Variants in GRIP1 observed in about 807,000 individuals in gnomAD.
GRIP1 encodes glutamate receptor interacting protein 1.
In GRIP1, 45 loss-of-function variants were observed where a neutral mutation model predicts 129.9. That is an observed-to-expected ratio of 0.35 (90% CI 0.27 to 0.44). The LOEUF is 0.44. Among genes scored for constraint, GRIP1 ranks in the 20% least tolerant of loss-of-function variants. GRIP1 has a pLI of 1.00. For synonymous variants in GRIP1, 530 were observed against 520.8 expected (o/e 1.02, Z -0.24); for missense variants, 1,196 against 1,396.8 (o/e 0.86, Z 2.29).
At chr12:66,924,224 T>G (rs2041259773) in intron 1 of GRIP1, among the ~76,000 whole-genome samples, 1 of 152,214 alleles carries the variant, frequency 6.6e-6, no homozygotes, top group Non-Finnish European at 1.5e-5. Flanking sequence ...TATTTAAGTC[T>G]ACATCATATT....
At chr12:66,702,374 A>G (rs1470201693) in intron 1 of GRIP1, among the ~76,000 whole-genome samples, 3 of 152,144 alleles carry the variant, frequency 2.0e-5, no homozygotes, top group African/African-American at 4.8e-5. Flanking sequence ...GGGATCTCTT[A>G]TGCTAAATTC....
intron 7 of GRIP1, among the ~76,000 whole-genome samples, chr12:66,502,276 T>C (rs749741063): frequency 7.3e-4 from 111 of 152,264 alleles, no homozygotes; most frequent in Non-Finnish European, 1.3e-3. Flanking sequence ...ACCTAAAATA[T>C]AATCAATTTG....
At chr12:66,898,173 C>G (rs1190791875) in intron 1 of GRIP1, among the ~76,000 whole-genome samples, 1 of 152,176 alleles carries the variant, frequency 6.6e-6, no homozygotes, top group Non-Finnish European at 1.5e-5. Context: ...GATTCAAAAG[C>G]AGTTCTGTCT....
chr12:66,409,802 T>C (rs1346259997), intron 15 of GRIP1, among the ~76,000 whole-genome samples: 2 of 152,176 alleles, frequency 1.3e-5, no homozygotes, highest in African/African-American at 4.8e-5. Flanking sequence ...TGTGTGATAA[T>C]ACAGATCATA....
chr12:66,699,470 A>C (rs935952929), intron 1 of GRIP1, among the ~76,000 whole-genome samples: 2 of 152,100 alleles, frequency 1.3e-5, no homozygotes, highest in East Asian at 1.9e-4. Context: ...AATAAGTCTC[A>C]TGAGATCTGA....
At chr12:66,979,658 T>C (rs1478272930) in intron 1 of GRIP1, among the ~76,000 whole-genome samples, 3 of 152,142 alleles carry the variant, frequency 2.0e-5, no homozygotes, top group Non-Finnish European at 4.4e-5. Flanking sequence ...GTGACTTTAT[T>C]TGGAAATAGA....
chr12:66,754,194 C>T (rs553126801), intron 1 of GRIP1, among the ~76,000 whole-genome samples: 16 of 152,218 alleles, frequency 1.1e-4, no homozygotes, highest in African/African-American at 1.7e-4. Flanking sequence ...GGAATATAGA[C>T]GATGGATGTA....
At chr12:66,928,263 T>C (rs956994208) in intron 1 of GRIP1, among the ~76,000 whole-genome samples, 4 of 152,186 alleles carry the variant, frequency 2.6e-5, no homozygotes, top group African/African-American at 9.7e-5. Flanking sequence ...CATTTTAAAA[T>C]GTAAATTCTG....
intron 2 of GRIP1, among the ~76,000 whole-genome samples, chr12:66,588,806 T>C (rs2063738009): frequency 6.6e-6 from 1 of 151,358 alleles, no homozygotes; most frequent in Admixed American, 6.6e-5. Context: ...CCATCTCTAC[T>C]AAAAATACAA....
At chr12:66,419,387 C>T (rs2057723116) in intron 15 of GRIP1, among the ~76,000 whole-genome samples, 1 of 151,984 alleles carries the variant, frequency 6.6e-6, no homozygotes, top group Non-Finnish European at 1.5e-5. Flanking sequence ...TATTTGATGG[C>T]ACAACAGGGT....
intron 7 of GRIP1, among the ~76,000 whole-genome samples, chr12:66,513,764 GA>G (rs1285977764): frequency 6.6e-6 from 1 of 152,126 alleles, no homozygotes; most frequent in Non-Finnish European, 1.5e-5. Flanking sequence ...TCTAGGGTGT[GA>G]AAACTGTCAG....
At chr12:66,738,381 G>A (rs952376784) in intron 1 of GRIP1, among the ~76,000 whole-genome samples, 15 of 151,630 alleles carry the variant, frequency 9.9e-5, no homozygotes, top group South Asian at 4.2e-4. Context: ...CACCACGCCC[G>A]ACTAATTTTT....
intron 1 of GRIP1, among the ~76,000 whole-genome samples, chr12:66,642,084 G>A (rs2031980648): frequency 6.6e-6 from 1 of 152,178 alleles, no homozygotes; most frequent in Non-Finnish European, 1.5e-5. Context: ...TCGTGGGGGA[G>A]AGAAGCCAGT....
At chr12:66,682,733 T>G (rs768373448), upstream of GRIP1, among the ~76,000 whole-genome samples, 1 of 152,166 alleles carries the variant, frequency 6.6e-6, no homozygotes, top group African/African-American at 2.4e-5. Context: ...AAAAATGTTC[T>G]GCCATATGCC....
intron 1 of GRIP1, among the ~76,000 whole-genome samples, chr12:66,644,611 A>G (rs2032206766): frequency 6.6e-6 from 1 of 152,202 alleles, no homozygotes; most frequent in South Asian, 2.1e-4. Context: ...CACCACTTTC[A>G]CACTCAATCC....
intron 1 of GRIP1, among the ~76,000 whole-genome samples, chr12:66,656,760 A>G (rs753123355): frequency 4.6e-5 from 7 of 152,360 alleles, no homozygotes; most frequent in African/African-American, 9.6e-5. Flanking sequence ...AATTAAATAA[A>G]TATTAAATGC....
intron 1 of GRIP1, among the ~76,000 whole-genome samples, chr12:66,948,794 G>A (rs1412811729): frequency 2.0e-5 from 3 of 152,112 alleles, no homozygotes; most frequent in African/African-American, 4.8e-5. Context: ...TCTTTTCTTC[G>A]ATTTGCATTA....
At position 66,670,882 on chromosome 12, in the gene GRIP1, C is replaced by T. The variant is rs1200195570; in HGVS notation, c.55+7968G>A. On this transcript the variant is annotated intron_variant, in intron 1 of 24. Coordinates refer to ENST00000359742, the MANE Select transcript of GRIP1 (RefSeq NM_001366722.1). ...GGAAGGCTATAGCAGTTTCATAGCCCTTATATCTGCTCAGCTTCTCCCTTC... is the reference window on the plus strand; with the variant it reads ...GGAAGGCTATAGCAGTTTCATAGCCTTTATATCTGCTCAGCTTCTCCCTTC... Among the ~76,000 whole-genome samples the T allele has an allele frequency of 2.0e-5, 3 of 152,224 alleles. No homozygotes were observed. In the East Asian group the frequency reaches 5.8e-4, roughly 29 times the overall value.
At chr12:66,959,457 T>G (rs1379442829) in intron 1 of GRIP1, among the ~76,000 whole-genome samples, 1 of 152,196 alleles carries the variant, frequency 6.6e-6, no homozygotes, top group Non-Finnish European at 1.5e-5. Context: ...ATGCATCTAT[T>G]AAAACTTATA....
Sources: gnomAD v4.1 joint callset for allele counts (sites outside exome capture counted in the v4.1 genomes callset) on GRCh38, gnomAD v4.1.1 for gene constraint, MANE v1.5 for transcripts, NCBI Gene and HGNC (gene_info 2026-07-23, HGNC 2026-07-21) for gene names.